PDE11A: variants seen among roughly 807,000 people sequenced by gnomAD.
PDE11A encodes dual 3',5'-cyclic-AMP and -GMP phosphodiesterase 11A.
Under a neutral mutation model 100.5 loss-of-function variants are expected in PDE11A, and 100 were observed. The ratio of observed to expected loss-of-function variants is 1.00; its 90% confidence interval spans 0.85 to 1.18. The LOEUF (loss-of-function observed/expected upper bound fraction) is 1.18, where lower values mean the gene tolerates loss of function less well. Ranked by LOEUF, PDE11A falls within the 50% of genes most tolerant of loss-of-function variation. The probability of loss-of-function intolerance (pLI) is 0.00; values close to 1 mark genes in which losing one functional copy is unlikely to be tolerated. For missense variants in PDE11A, 1,141 were observed against 1,152.6 expected (o/e 0.99, Z 0.15); for synonymous variants, 381 against 420.8 (o/e 0.91, Z 1.16).
chr2:177,727,654 T>C lies in PDE11A; in HGVS notation c.2043+4A>G. 15 of 1,530,838 alleles carry C rather than the reference T, an allele frequency of 9.8e-6. No individual in the cohort carries two copies. Among genetic ancestry groups the C allele is most frequent in the Non-Finnish European group, 1.4e-5 (15 of 1,104,060 alleles). 94.8% of individuals were successfully genotyped at this position (1,530,838 alleles called of 1,614,324 possible). On this transcript the variant is annotated splice_donor_region_variant and intron_variant, in intron 12 of 19. Transcript: ENST00000286063. ...GATCTTCCACCATCACTAAGCACACTTACGGTTAACATCGCGAACATCAGC... is the reference window on the plus strand; with the variant it reads ...GATCTTCCACCATCACTAAGCACACCTACGGTTAACATCGCGAACATCAGC...
At chr2:177,665,471 C>A (rs1282925622) in intron 18 of PDE11A, among the ~76,000 whole-genome samples, 1 of 130,700 alleles carries the variant, frequency 7.7e-6, no homozygotes. Flanking sequence ...CAGAGTGAGA[C>A]TCAGTCTCAA....
intron 2 of PDE11A, among the ~76,000 whole-genome samples, chr2:178,100,116 C>A (rs2087544041): frequency 6.6e-6 from 1 of 152,012 alleles, no homozygotes; most frequent in South Asian, 2.1e-4. Flanking sequence ...TCAATGGGTA[C>A]AGAGTTTCAG....
At chr2:177,669,458 A>G in intron 18 of PDE11A, 35 bp downstream of exon 18, 1 of 860,228 alleles carries the variant, frequency 1.2e-6, no homozygotes, top group Non-Finnish European at 2.0e-6. Context: ...GTCATTCAAA[A>G]GGGTAAATAC....
intron 2 of PDE11A, among the ~76,000 whole-genome samples, chr2:178,010,373 C>T (rs1219098747): frequency 6.6e-6 from 1 of 152,184 alleles, no homozygotes; most frequent in East Asian, 1.9e-4. Context: ...GTCTGCTTGG[C>T]TGACCAAGGA....
chr2:177,945,859 C>A, intron 2 of PDE11A, among the ~76,000 whole-genome samples: 1 of 120,324 alleles, frequency 8.3e-6, no homozygotes, highest in African/African-American at 2.6e-5. Context: ...GCCAGCCGTG[C>A]CGTCCGGGAG....
chr2:177,819,419 A>G lies in PDE11A; in HGVS notation c.1576+801T>C, dbSNP rs568056100. 3.7e-4 allele frequency among the ~76,000 whole-genome samples: 57 copies of G among 152,188 alleles called. No individual in the cohort carries two copies. In the South Asian group the frequency reaches 5.2e-3, roughly 14 times the overall value. On this transcript the variant is annotated intron_variant, in intron 7 of 19. Transcript: ENST00000286063. Reference sequence around the variant, plus strand: ...ATGAATTAGTGTTCTTACGTCTCTTAGGAAAAAAAGTCACATTTTTATTGT... The same window carrying G: ...ATGAATTAGTGTTCTTACGTCTCTTGGGAAAAAAAGTCACATTTTTATTGT...
chr2:177,972,371 C>G (rs2085782860), intron 2 of PDE11A, among the ~76,000 whole-genome samples: 1 of 152,122 alleles, frequency 6.6e-6, no homozygotes, highest in South Asian at 2.1e-4. Flanking sequence ...AAAATACACC[C>G]TGGGATTTGT....
intron 1 of PDE11A, among the ~76,000 whole-genome samples, chr2:178,042,225 A>G (rs75132192): frequency 0.025 from 3,798 of 152,266 alleles, 149 homozygotes; most frequent in African/African-American, 0.086. Flanking sequence ...CATGCCTGTA[A>G]ACCCAACACT....
chr2:177,750,734 G>GAAGAAATGAC (rs2082013825), intron 10 of PDE11A, among the ~76,000 whole-genome samples: 1 of 152,200 alleles, frequency 6.6e-6, no homozygotes, highest in Admixed American at 6.5e-5. Context: ...AAATTGTACA[G>GAAGAAATGAC]TAAAGGCACC....
chr2:177,998,627 A>G, intron 2 of PDE11A: 1 of 1,291,914 alleles, frequency 7.7e-7, no homozygotes, highest in East Asian at 2.3e-5. Flanking sequence ...ATTTCAGAAT[A>G]AATTGAGCTG....
At chr2:177,791,818 A>C (rs1421055208) in intron 9 of PDE11A, among the ~76,000 whole-genome samples, 4 of 152,210 alleles carry the variant, frequency 2.6e-5, no homozygotes, top group African/African-American at 9.6e-5. Flanking sequence ...AATTATGTTA[A>C]GGAAAATGAT....
intron 9 of PDE11A, among the ~76,000 whole-genome samples, chr2:177,807,181 C>T (rs2082884602): frequency 6.6e-6 from 1 of 151,800 alleles, no homozygotes; most frequent in South Asian, 2.1e-4. Context: ...AGAAAAAAAC[C>T]CATTACATTT....
intron 5 of PDE11A, among the ~76,000 whole-genome samples, chr2:177,870,255 C>T (rs2084107353): frequency 6.6e-6 from 1 of 152,172 alleles, no homozygotes; most frequent in South Asian, 2.1e-4. Context: ...ATTTTCATCA[C>T]TAATATCAAA....
chr2:177,764,324 C>G (rs567647533), intron 10 of PDE11A, among the ~76,000 whole-genome samples: 1 of 152,284 alleles, frequency 6.6e-6, no homozygotes, highest in South Asian at 2.1e-4. Flanking sequence ...ATTACTGAGG[C>G]AGTTACAGTG....
intron 2 of PDE11A, chr2:177,926,932 T>G (rs1299895801): frequency 6.6e-6 from 1 of 152,208 alleles, no homozygotes. Context: ...CTGGTCTTTC[T>G]GCCTCCAGTG....
chr2:178,104,503 C>T (rs759114600), intron 1 of PDE11A: 1 of 1,584,888 alleles, frequency 6.3e-7, no homozygotes, highest in African/African-American at 1.4e-5. Flanking sequence ...AAACCACAAA[C>T]CAAAAAAATA....
intron 10 of PDE11A, among the ~76,000 whole-genome samples, chr2:177,744,913 C>A (rs1262266792): frequency 6.6e-6 from 1 of 152,220 alleles, no homozygotes; most frequent in Non-Finnish European, 1.5e-5. Context: ...GATGGGGCTT[C>A]TACTTCAGCC....
rs190263244 is a variant in PDE11A at position 177,626,738 on chromosome 2, A to T, written c.*2669T>A. ...GCAGAGACAGCTGTAAAGGGTAGCT[A>T]GGAACATTATTTTTTAGGGCTCTCA... On this transcript the variant is annotated 3_prime_UTR_variant, in exon 20 of 20. Coordinates refer to ENST00000286063, the MANE Select transcript of PDE11A (RefSeq NM_016953.4). 2.0e-5 allele frequency: 3 copies of T among 152,386 alleles called. No homozygotes were observed. Among genetic ancestry groups the T allele is most frequent in the Admixed American group, 6.5e-5 (1 of 15,280 alleles). 9.4% of individuals were successfully genotyped at this position (152,386 alleles called of 1,614,324 possible). A position where few individuals can be genotyped will look rare whatever the true frequency, so the allele number is the denominator to read the frequency against.
At chr2:178,071,059 C>A (rs1432834185) in intron 1 of PDE11A, among the ~76,000 whole-genome samples, 1 of 152,186 alleles carries the variant, frequency 6.6e-6, no homozygotes, top group African/African-American at 2.4e-5. Context: ...GCACTTTGTT[C>A]TCTTTCCAAT....
Sources: allele counts gnomAD v4.1 joint callset (sites outside exome capture counted in the v4.1 genomes callset), GRCh38; gene constraint gnomAD v4.1.1; transcripts MANE v1.5; gene names NCBI Gene and HGNC (gene_info 2026-07-23, HGNC 2026-07-21).